CKAP2L: variants seen among roughly 807,000 people sequenced by gnomAD.
CKAP2L encodes cytoskeleton-associated protein 2-like.
A neutral mutation model predicts 65.7 loss-of-function variants in CKAP2L; 42 were observed. The ratio of observed to expected loss-of-function variants is 0.64; its 90% CI spans 0.50 to 0.83. The LOEUF (loss-of-function observed/expected upper bound fraction) is 0.83. Among genes scored for constraint, CKAP2L ranks in the 40% least tolerant of loss-of-function variants. The pLI is 0.00. For missense variants in CKAP2L, 908 were observed against 871.0 expected, an observed-to-expected ratio of 1.04 and a Z score of -0.53; for synonymous variants, 325 against 313.5, an observed-to-expected ratio of 1.04 and a Z score of -0.39.
At position 112,763,453 on chromosome 2, in the gene CKAP2L, G is replaced by A. The variant is rs181802715; in HGVS notation, c.38-884C>T. 2.0e-4 allele frequency among the ~76,000 whole-genome samples: 30 copies of A among 152,048 alleles called. No individual in the cohort carries two copies. In the South Asian group the frequency reaches 6.3e-3, roughly 32 times the overall value. Reference sequence around the variant, plus strand: ...CACCTATACTATGGTGACTTTCTACGCAAGCCATTTGTGAGGGGATGACAA... The same window carrying A: ...CACCTATACTATGGTGACTTTCTACACAAGCCATTTGTGAGGGGATGACAA... On this transcript the variant is annotated intron_variant, in intron 1 of 8. Transcript: ENST00000302450.
intron 4 of CKAP2L, among the ~76,000 whole-genome samples, chr2:112,753,949 A>G (rs1022027013): frequency 1.3e-5 from 2 of 152,182 alleles, no homozygotes; most frequent in African/African-American, 4.8e-5. Context: ...TATTTAGTCA[A>G]TGTGTTGGTT....
Position 112,756,373 on chromosome 2 carries a change from G to T in CKAP2L, c.998C>A (p.Pro333His), listed in dbSNP as rs762555129. Residue 333 changes from proline to histidine, a missense_variant, in exon 4 of 9, where the codon CCC becomes CAC. Physicochemically the swap from Pro to His is moderately conservative, Grantham distance 77. Coordinates refer to ENST00000302450, the MANE Select transcript of CKAP2L (RefSeq NM_152515.5). ...VTEQRVKHTK[P>H]RTYPSLLQGE... is the part of the protein sequence containing the mutation. ...CTGAAGCAAACTGGGGTATGTTCTG[G>T]GTTTGGTGTGCTTCACTCTCTGTTC... The T allele has an allele frequency of 1.1e-5, 17 of 1,613,820 alleles. No individual in the cohort carries two copies. Among genetic ancestry groups the T allele is most frequent in the Non-Finnish European group, 1.4e-5 (17 of 1,179,904 alleles).
chr2:112,762,635 T>C, intron 1 of CKAP2L, 66 bp from the exon 2 acceptor site: 2 of 1,291,100 alleles, frequency 1.5e-6, no homozygotes, highest in South Asian at 2.4e-5. Context: ...TTCATTAATA[T>C]TCTAAAAGAT....
rs72952121 is a variant in CKAP2L, at chr2:112,753,820, A to T, written c.1395-1346T>A. On this transcript the variant is annotated intron_variant, in intron 4 of 8. Transcript: ENST00000302450. ...TGGGATTACAGGCGTGAACCATTGT[A>T]CCCTGCCTCCTTGAAGTTTCTTGAT... Among the ~76,000 whole-genome samples the T allele has an allele frequency of 9.3e-3, 1,412 of 152,072 alleles. 19 individuals are homozygous for T. The highest frequency in any genetic ancestry group is 0.032 in the African/African-American group (1,347 of 41,492).
chr2:112,740,458 T>C (rs548233884), intron 8 of CKAP2L, among the ~76,000 whole-genome samples: 1 of 152,234 alleles, frequency 6.6e-6, no homozygotes, highest in Non-Finnish European at 1.5e-5. Context: ...AGTCTCTGAC[T>C]AGTACATACT....
At chr2:112,741,431 T>TAA (rs1319892225) in intron 7 of CKAP2L, among the ~76,000 whole-genome samples, 4 of 152,192 alleles carry the variant, frequency 2.6e-5, no homozygotes, top group Non-Finnish European at 4.4e-5. Flanking sequence ...GATGACCACA[T>TAA]GGTTACTGCC....
intron 3 of CKAP2L, among the ~76,000 whole-genome samples, chr2:112,759,278 C>T (rs1680637845): frequency 6.6e-6 from 1 of 152,094 alleles, no homozygotes; most frequent in African/African-American, 2.4e-5. Flanking sequence ...AAGCATATGG[C>T]CAACTTCCTC....
chr2:112,758,574 G>A (rs1680614997), intron 3 of CKAP2L, among the ~76,000 whole-genome samples: 1 of 152,094 alleles, frequency 6.6e-6, no homozygotes, highest in South Asian at 2.1e-4. Flanking sequence ...GAGATGGATG[G>A]TATACCCACA....
chr2:112,764,485 G>C, intron 1 of CKAP2L, 77 bp downstream of exon 1: 1 of 1,505,256 alleles, frequency 6.6e-7, no homozygotes, highest in African/African-American at 1.4e-5. Context: ...CCCGCGGGAC[G>C]AACTCACTCG....
chr2:112,762,361 GA>G (rs1680750439), intron 2 of CKAP2L, 141 bp downstream of exon 2: 1 of 661,962 alleles, frequency 1.5e-6, no homozygotes, highest in Admixed American at 2.4e-5. Context: ...TGCCTGGACT[GA>G]AATGCTCTTT....
In CKAP2L at chr2:112,756,118, A is replaced by C. The variant is rs1680524683; in HGVS notation, c.1253T>G (p.Leu418Trp). Reference sequence around the variant, plus strand: ...AACAGCCTTTTTCAACTTGGAGTCCAAAGTCTGTGCTTTTTGCTGAAAGCC... The same window carrying C: ...AACAGCCTTTTTCAACTTGGAGTCCCAAGTCTGTGCTTTTTGCTGAAAGCC... ...NNGFQQKAQT[L>W]DSKLKKAVPQ... The change falls in exon 4 of 9, where the codon TTG (leucine) becomes TGG (tryptophan). Residue 418 changes from leucine to tryptophan, a missense_variant. Physicochemically the swap from Leu to Trp is moderately conservative, Grantham distance 61. Coordinates refer to ENST00000302450, the MANE Select transcript of CKAP2L (RefSeq NM_152515.5). 1 of 1,614,068 alleles carries C rather than the reference A, an allele frequency of 6.2e-7. No individual in the cohort carries two copies.
chr2:112,764,528 G>A (rs1558766029), intron 1 of CKAP2L, 34 bp downstream of exon 1: 2 of 1,612,860 alleles, frequency 1.2e-6, no homozygotes, highest in Non-Finnish European at 8.5e-7. Context: ...GTGTTCCAAC[G>A]CCTGAGAATA....
rs1414292947 is a variant in CKAP2L, at chr2:112,742,865, A to T, written c.1759-96T>A. On this transcript the variant is annotated intron_variant, in intron 6 of 8. Coordinates refer to ENST00000302450, the MANE Select transcript of CKAP2L (RefSeq NM_152515.5). ...CTTCAAATACATGTTTTATAATAAA[A>T]GTTTCCTTTTAAAATCTCGTCTAAC... The T allele has an allele frequency of 5.1e-6, 4 of 787,742 alleles. No individual in the cohort carries two copies. In the African/African-American group the frequency reaches 7.0e-5, roughly 14 times the overall value. The allele number at this position is 787,742 out of a possible 1,614,324, so 48.8% of individuals were successfully genotyped here.
At chr2:112,744,406 C>A (rs1237680195) in intron 6 of CKAP2L, among the ~76,000 whole-genome samples, 5 of 152,072 alleles carry the variant, frequency 3.3e-5, no homozygotes, top group African/African-American at 1.2e-4. Context: ...GGTGGTAGGG[C>A]CCAAATTAGG....
At chr2:112,764,263 A>C (rs779387439) in intron 1 of CKAP2L, 3 of 471,006 alleles carry the variant, frequency 6.4e-6, no homozygotes, top group Non-Finnish European at 7.8e-6. Context: ...AACCCGAGCA[A>C]GGGGCCTCAG....
rs899283692 is a variant in CKAP2L, at chr2:112,738,868, A to G, written c.2193T>C (p.Asn731=). Residue 731 remains asparagine (N), a synonymous_variant, in exon 9 of 9, where the codon AAT becomes AAC. Coordinates refer to ENST00000302450, the MANE Select transcript of CKAP2L (RefSeq NM_152515.5). Reference sequence around the variant, plus strand: ...ACCCCAATGTTACAGGCAGCGCCTCATTTCTACGGAATATAAAACATTTTG... The same window carrying G: ...ACCCCAATGTTACAGGCAGCGCCTCGTTTCTACGGAATATAAAACATTTTG... The part of the protein sequence containing the change: ...EETKCFIFRR[N]EALPVTLGFQ... 3 of 1,614,060 alleles carry G rather than the reference A, an allele frequency of 1.9e-6. No homozygotes were observed. Among genetic ancestry groups the G allele is most frequent in the Non-Finnish European group, 2.5e-6 (3 of 1,179,906 alleles).
chr2:112,750,701 G>T (rs905771581), intron 5 of CKAP2L, among the ~76,000 whole-genome samples: 2 of 151,626 alleles, frequency 1.3e-5, no homozygotes, highest in East Asian at 1.9e-4. Context: ...ACTTGATCCT[G>T]ACTGATAAAG....
intron 2 of CKAP2L, among the ~76,000 whole-genome samples, 192 bp from the exon 3 acceptor site, chr2:112,760,956 GACC>G (rs1680700188): frequency 6.6e-6 from 1 of 151,398 alleles, no homozygotes; most frequent in Non-Finnish European, 1.5e-5. Context: ...CCCCCTTGGA[GACC>G]ACCAACTGCT....
rs901725232 is a variant in CKAP2L, at chr2:112,740,728, T to C, written c.2012+90A>G. ...AGCACCTTCCTCACTGCAGGTCAGG[T>C]CTCAGTTACTCTAGATCTGTGAAGG... is the stretch of plus-strand genomic sequence containing the variant. On this transcript the variant is annotated intron_variant, in intron 8 of 8. Transcript: ENST00000302450. 6 of 1,039,762 alleles carry C rather than the reference T, an allele frequency of 5.8e-6. No homozygotes were observed. In the Admixed American group the frequency reaches 1.2e-4, roughly 21 times the overall value. 64.4% of individuals were successfully genotyped at this position (1,039,762 alleles called of 1,614,324 possible).
Sources: allele counts gnomAD v4.1 joint callset (sites outside exome capture counted in the v4.1 genomes callset), GRCh38; gene constraint gnomAD v4.1.1; transcripts MANE v1.5; gene names NCBI Gene and HGNC (gene_info 2026-07-23, HGNC 2026-07-21).